Variants in PVT1 observed in about 807,000 individuals in gnomAD.
PVT1 encodes Pvt1 oncogene.
intron 5 of PVT1, among the ~76,000 whole-genome samples, chr8:128,073,400 C>G (rs1289006642): frequency 6.6e-6 from 1 of 152,136 alleles, no homozygotes; most frequent in Non-Finnish European, 1.5e-5. Context: ...CCTTTTGACA[C>G]AGGTCACCCG....
intron 2 of PVT1, among the ~76,000 whole-genome samples, chr8:127,836,617 A>G (rs550066873): frequency 3.1e-4 from 47 of 152,200 alleles, no homozygotes; most frequent in East Asian, 1.9e-4. Context: ...GGTAATGGCA[A>G]TAACTCTGAC....
At chr8:128,069,643 G>T (rs968594296) in intron 4 of PVT1, among the ~76,000 whole-genome samples, 3 of 152,100 alleles carry the variant, frequency 2.0e-5, no homozygotes, top group Non-Finnish European at 2.9e-5. Flanking sequence ...CCCCTGCTAC[G>T]TTCCAAGCTT....
At chr8:128,100,326 C>T (rs1814488565) in intron 6 of PVT1, among the ~76,000 whole-genome samples, 1 of 152,198 alleles carries the variant, frequency 6.6e-6, no homozygotes, top group South Asian at 2.1e-4. Flanking sequence ...AACCAGGTCT[C>T]TGCTCTCCTG....
At chr8:128,077,867 CCTA>C (rs1443538750) in intron 5 of PVT1, among the ~76,000 whole-genome samples, 5 of 152,300 alleles carry the variant, frequency 3.3e-5, no homozygotes, top group Non-Finnish European at 7.4e-5. Context: ...GTCAACCTGA[CCTA>C]TGATTCACAG....
At chr8:127,857,083 G>A (rs755444854) in intron 2 of PVT1, among the ~76,000 whole-genome samples, 1 of 152,154 alleles carries the variant, frequency 6.6e-6, no homozygotes, top group African/African-American at 2.4e-5. Flanking sequence ...AAAATTAGCT[G>A]AGCGTGGTGG....
chr8:128,021,290 C>CT (rs11438511), intron 4 of PVT1, among the ~76,000 whole-genome samples: 18,906 of 80,810 alleles, frequency 0.23, 4,968 homozygotes, highest in African/African-American at 0.56. Flanking sequence ...AGGACTTGTG[C>CT]TTTTTTTTTT....
chr8:128,041,222 TG>T (rs1813531049), intron 4 of PVT1, among the ~76,000 whole-genome samples: 1 of 88,884 alleles, frequency 1.1e-5, no homozygotes, highest in Non-Finnish European at 2.5e-5. Context: ...TGTTTGTGTG[TG>T]TGCATGTGTG....
chr8:127,833,585 T>A (rs926732728), intron 2 of PVT1, among the ~76,000 whole-genome samples: 1 of 152,092 alleles, frequency 6.6e-6, no homozygotes, highest in African/African-American at 2.4e-5. Flanking sequence ...ACCCGAGTAG[T>A]TGGGACTACA....
chr8:127,963,736 T>C (rs1280537174), intron 3 of PVT1, among the ~76,000 whole-genome samples: 2 of 152,102 alleles, frequency 1.3e-5, no homozygotes, highest in Admixed American at 6.5e-5. Context: ...GAATGATGTT[T>C]GGGGAGGAAG....
chr8:128,045,114 A>G (rs1813595575), intron 4 of PVT1, among the ~76,000 whole-genome samples: 1 of 152,198 alleles, frequency 6.6e-6, no homozygotes, highest in Admixed American at 6.5e-5. Context: ...GTTCCCAGAT[A>G]ACATATCCTA....
intron 2 of PVT1, among the ~76,000 whole-genome samples, chr8:127,823,801 G>T (rs1032204149): frequency 1.3e-5 from 2 of 152,230 alleles, no homozygotes; most frequent in African/African-American, 4.8e-5. Flanking sequence ...TAAGAGGCTT[G>T]TCAATGGCCT....
intron 3 of PVT1, among the ~76,000 whole-genome samples, chr8:127,936,139 C>T (rs1383820044): frequency 1.3e-5 from 2 of 150,924 alleles, no homozygotes; most frequent in Non-Finnish European, 2.9e-5. Flanking sequence ...ACAACCTCCG[C>T]GTCCCAGGTT....
At chr8:127,928,578 A>T (rs1210450537) in intron 3 of PVT1, among the ~76,000 whole-genome samples, 1 of 152,228 alleles carries the variant, frequency 6.6e-6, no homozygotes, top group African/African-American at 2.4e-5. Context: ...CCGAGATTTA[A>T]TCATGGCAGA....
chr8:127,984,865 CTTTCTTTCTT>C (rs1563657409), intron 3 of PVT1, among the ~76,000 whole-genome samples: 5 of 66,804 alleles, frequency 7.5e-5, no homozygotes, highest in East Asian at 8.4e-4. Context: ...TTCTTTCTTT[CTTTCTTTCTT>C]TCTTTCTTTC....
intron 3 of PVT1, among the ~76,000 whole-genome samples, chr8:127,927,970 T>C (rs1020327440): frequency 6.6e-6 from 1 of 152,252 alleles, no homozygotes; most frequent in African/African-American, 2.4e-5. Context: ...AGAAGGGCTG[T>C]CGTCCCCTCT....
chr8:127,863,351 C>A (rs189346025), intron 2 of PVT1, among the ~76,000 whole-genome samples: 14 of 152,260 alleles, frequency 9.2e-5, no homozygotes, highest in Admixed American at 7.2e-4. Context: ...ATCTCATGAT[C>A]TTTCTGCCTC....
intron 3 of PVT1, among the ~76,000 whole-genome samples, chr8:127,962,189 T>A (rs2129947960): frequency 6.6e-6 from 1 of 152,120 alleles, no homozygotes; most frequent in South Asian, 2.1e-4. Context: ...ATGGTCTCAA[T>A]CTCTTGATCT....
chr8:127,828,487 T>G (rs1814815794), intron 2 of PVT1, among the ~76,000 whole-genome samples: 1 of 152,202 alleles, frequency 6.6e-6, no homozygotes, highest in African/African-American at 2.4e-5. Flanking sequence ...CCCTGTGTTG[T>G]TTATATTTCT....
intron 5 of PVT1, among the ~76,000 whole-genome samples, chr8:128,083,204 A>T (rs1032926137): frequency 1.3e-5 from 2 of 152,242 alleles, no homozygotes; most frequent in African/African-American, 4.8e-5. Context: ...GATAATAGTG[A>T]TACTGAATTC....
Sources: allele counts gnomAD v4.1 joint callset (sites outside exome capture counted in the v4.1 genomes callset), GRCh38; gene constraint gnomAD v4.1.1; transcripts MANE v1.5; gene names NCBI Gene and HGNC (gene_info 2026-07-23, HGNC 2026-07-21).